The following MEF2C variants were observed in gnomAD, a reference collection of about 807,000 sequenced individuals.
The protein encoded by MEF2C is myocyte enhancer factor 2C, also known as myocyte-specific enhancer factor 2C.
A neutral mutation model predicts 50.5 loss-of-function variants in MEF2C; 6 were observed. The observed-to-expected ratio is 0.12, with a 90% confidence interval of 0.07 to 0.23. The LOEUF (loss-of-function observed/expected upper bound fraction) is 0.23, where lower values mean the gene tolerates loss of function less well. MEF2C is among the 10% of genes least tolerant of loss of function. The pLI, the probability that MEF2C is intolerant of heterozygous loss-of-function variation, is 1.00. For synonymous variants in MEF2C, 183 were observed against 228.0 expected, an observed-to-expected ratio of 0.80 and a Z score of 1.78; for missense variants, 276 against 605.0, an observed-to-expected ratio of 0.46 and a Z score of 5.70.
At chr5:88,877,748 TAC>T (rs1362064784) in intron 1 of MEF2C, among the ~76,000 whole-genome samples, 33 of 152,034 alleles carry the variant, frequency 2.2e-4, no homozygotes, top group African/African-American at 7.2e-4. Flanking sequence ...CAGTGTACTT[TAC>T]AGTTATTTCA....
At chr5:88,749,308 C>T (rs1290964858) in intron 5 of MEF2C, 191 bp from the exon 6 acceptor site, 6 of 971,172 alleles carry the variant, frequency 6.2e-6, no homozygotes, top group East Asian at 1.1e-4. Flanking sequence ...TACATTCAAT[C>T]ACTGACATTT....
chr5:88,805,216 G>A (rs1450324350), intron 2 of MEF2C, among the ~76,000 whole-genome samples: 2 of 152,196 alleles, frequency 1.3e-5, no homozygotes, highest in Non-Finnish European at 2.9e-5. Context: ...TTAGATCTGT[G>A]TTCAAACAAG....
chr5:88,818,235 A>C lies in MEF2C; in HGVS notation c.54+5500T>G, dbSNP rs187566499. ...CGTACAATTATTTGTTAATTTAAAAAATTTTAAACACAAAAGAAATGAAAC... is the reference window on the plus strand; with the variant it reads ...CGTACAATTATTTGTTAATTTAAAACATTTTAAACACAAAAGAAATGAAAC... On this transcript the variant is annotated intron_variant, in intron 2 of 10. Transcript: ENST00000504921. Among the ~76,000 whole-genome samples the C allele has an allele frequency of 4.8e-3, 726 of 152,148 alleles. 13 individuals carry two copies. The highest frequency in any genetic ancestry group is 0.017 in the African/African-American group (693 of 41,560).
At chr5:88,874,896 A>G (rs530906157) in intron 1 of MEF2C, among the ~76,000 whole-genome samples, 120 of 152,138 alleles carry the variant, frequency 7.9e-4, no homozygotes, top group Admixed American at 2.2e-3. Context: ...TTTCTCCTGA[A>G]GGCTCCCATT....
At chr5:88,753,640 C>G (rs2152542417) in intron 4 of MEF2C, among the ~76,000 whole-genome samples, 1 of 152,330 alleles carries the variant, frequency 6.6e-6, no homozygotes, top group South Asian at 2.1e-4. Flanking sequence ...ATCCGCCCAC[C>G]TCGGCCTCCC....
At position 88,768,602 on chromosome 5, in the gene MEF2C, C is replaced by T. The variant is rs1428780827; in HGVS notation, c.259-7274G>A. ...CATCTCGTATCACCAGAACTTAGCACAAGGCCTGGCAAGTGGTCGGAACTT... is the reference window on the plus strand; with the variant it reads ...CATCTCGTATCACCAGAACTTAGCATAAGGCCTGGCAAGTGGTCGGAACTT... On this transcript the variant is annotated intron_variant, in intron 3 of 10. Coordinates refer to ENST00000504921, the MANE Select transcript of MEF2C (RefSeq NM_002397.5). 4 of 773,784 alleles carry T rather than the reference C, an allele frequency of 5.2e-6. No homozygotes were observed. The African/African-American group carries it at 7.4e-5, about 14-fold the overall frequency. The allele number at this position is 773,784 out of a possible 1,614,324, so 47.9% of individuals were successfully genotyped here.
intron 6 of MEF2C, chr5:88,742,065 A>G: frequency 1.0e-6 from 1 of 985,410 alleles, no homozygotes; most frequent in Non-Finnish European, 1.2e-6. Context: ...TGATTGGCAA[A>G]GGTTTGTCTA....
At chr5:88,886,837 C>T (rs1834091795), upstream of MEF2C, among the ~76,000 whole-genome samples, 1 of 152,100 alleles carries the variant, frequency 6.6e-6, no homozygotes, top group African/African-American at 2.4e-5. Flanking sequence ...ATTTTAACTC[C>T]AGGGAAAGCT....
upstream of MEF2C, among the ~76,000 whole-genome samples, chr5:88,886,305 T>C (rs1002454269): frequency 2.0e-5 from 3 of 152,228 alleles, no homozygotes; most frequent in Admixed American, 6.5e-5. Flanking sequence ...TCTGGACTTT[T>C]GGTTTCTGTT....
At chr5:88,814,367 C>T (rs371227276) in intron 2 of MEF2C, among the ~76,000 whole-genome samples, 3 of 151,570 alleles carry the variant, frequency 2.0e-5, no homozygotes, top group Non-Finnish European at 4.4e-5. Flanking sequence ...ACGGGGCCTG[C>T]CATCGTAAAT....
upstream of MEF2C, among the ~76,000 whole-genome samples, chr5:88,884,107 G>A (rs917344768): frequency 3.3e-5 from 5 of 152,192 alleles, no homozygotes; most frequent in Non-Finnish European, 5.9e-5. Context: ...GCGCCTCTGC[G>A]GAGGACGCTC....
chr5:88,792,698 T>C (rs919234179), intron 3 of MEF2C, among the ~76,000 whole-genome samples: 3 of 152,180 alleles, frequency 2.0e-5, no homozygotes, highest in African/African-American at 7.2e-5. Context: ...CTAATGCAAC[T>C]GAGGAACTGA....
chr5:88,798,490 A>C (rs185899659), intron 3 of MEF2C, among the ~76,000 whole-genome samples: 1 of 152,036 alleles, frequency 6.6e-6, no homozygotes, highest in Non-Finnish European at 1.5e-5. Context: ...CAGTTCTATC[A>C]GGTCATTTAT....
chr5:88,723,720 G>A (rs192081754), intron 10 of MEF2C, among the ~76,000 whole-genome samples: 5 of 152,306 alleles, frequency 3.3e-5, no homozygotes, highest in Admixed American at 2.0e-4. Flanking sequence ...TCCCTGATGC[G>A]TGCGGTTCTT....
At chr5:88,843,871 G>A (rs1435808876) in intron 1 of MEF2C, among the ~76,000 whole-genome samples, 7 of 150,138 alleles carry the variant, frequency 4.7e-5, no homozygotes, top group Non-Finnish European at 1.0e-4. Flanking sequence ...GTGCAGTGGT[G>A]CAATCTCGGC....
chr5:88,769,094 G>C (rs1274558748), intron 3 of MEF2C, among the ~76,000 whole-genome samples: 2 of 152,164 alleles, frequency 1.3e-5, no homozygotes, highest in East Asian at 3.9e-4. Flanking sequence ...GAGAAAAAAG[G>C]GAGTGATATT....
Position 88,846,573 on chromosome 5 carries a change from CA to C in MEF2C, c.-142-22644del, listed in dbSNP as rs373050412. On this transcript the variant is annotated intron_variant, in intron 1 of 10. Transcript: ENST00000504921. ...TTCCAAGGAGAAATCTCTTTGTGCT[CA>C]ACATGGTAGAAATATCATTCAAACA... 1.6e-3 allele frequency among the ~76,000 whole-genome samples: 251 copies of C among 152,232 alleles called. 1 individual carries two copies. The highest frequency in any genetic ancestry group is 5.8e-3 in the African/African-American group (242 of 41,532).
At position 88,852,233 on chromosome 5, in the gene MEF2C, T is replaced by C. The variant is rs181929219; in HGVS notation, c.-142-28303A>G. On this transcript the variant is annotated intron_variant, in intron 1 of 10. Coordinates refer to ENST00000504921, the MANE Select transcript of MEF2C (RefSeq NM_002397.5). Reference sequence around the variant, plus strand: ...ATCCTTTAACTAAATACTTTAAATCTTTTCTATATAATTAAAAAGTTAATT... The same window carrying C: ...ATCCTTTAACTAAATACTTTAAATCCTTTCTATATAATTAAAAAGTTAATT... Among the ~76,000 whole-genome samples the C allele has an allele frequency of 2.4e-3, 361 of 152,300 alleles. 2 individuals are homozygous for C. The highest frequency in any genetic ancestry group is 8.3e-3 in the African/African-American group (344 of 41,576).
intron 2 of MEF2C, among the ~76,000 whole-genome samples, chr5:88,811,069 T>C (rs1281357107): frequency 3.3e-5 from 5 of 152,132 alleles, no homozygotes; most frequent in Non-Finnish European, 7.4e-5. Context: ...ACTGATCTTT[T>C]TGTTTGTCAG....
Sources: allele counts gnomAD v4.1 joint callset (sites outside exome capture counted in the v4.1 genomes callset), GRCh38; gene constraint gnomAD v4.1.1; transcripts MANE v1.5; gene names NCBI Gene and HGNC (gene_info 2026-07-23, HGNC 2026-07-21).